GRID1: variants seen among roughly 807,000 people sequenced by gnomAD.
The protein encoded by GRID1 is glutamate receptor ionotropic, delta-1.
A neutral mutation model predicts 98.0 loss-of-function variants in GRID1; 28 were observed. That is an observed-to-expected ratio of 0.29 (90% CI 0.21 to 0.39). The LOEUF (loss-of-function observed/expected upper bound fraction) is 0.39, where lower values mean the gene tolerates loss of function less well. Ranked by LOEUF, GRID1 falls within the 10% of genes least tolerant of loss-of-function variation. GRID1 has a pLI of 1.00. For missense variants in GRID1, 1,111 were observed against 1,340.5 expected (o/e 0.83, Z 2.67); for synonymous variants, 553 against 538.5 (o/e 1.03, Z -0.37).
chr10:86,349,826 C>G (rs1177820996), intron 2 of GRID1, among the ~76,000 whole-genome samples: 1 of 152,226 alleles, frequency 6.6e-6, no homozygotes, highest in Non-Finnish European at 1.5e-5. Flanking sequence ...TCCAACCAGC[C>G]ACATACCAGG....
At chr10:86,027,033 G>A (rs1350988971) in intron 4 of GRID1, among the ~76,000 whole-genome samples, 1 of 152,248 alleles carries the variant, frequency 6.6e-6, no homozygotes, top group Non-Finnish European at 1.5e-5. Context: ...GCTCCACTCA[G>A]AAGGAGCAGC....
At chr10:86,226,684 T>C (rs1164548076) in intron 2 of GRID1, among the ~76,000 whole-genome samples, 4 of 137,502 alleles carry the variant, frequency 2.9e-5, no homozygotes, top group African/African-American at 1.1e-4. Context: ...GAGTGGGGTG[T>C]TGGCAGCAAC....
chr10:85,914,694 A>AC (rs1336472436), intron 5 of GRID1, among the ~76,000 whole-genome samples: 1 of 152,188 alleles, frequency 6.6e-6, no homozygotes, highest in African/African-American at 2.4e-5. Context: ...AAAATAAGCC[A>AC]CCCAAGACTA....
At chr10:85,743,866 T>C (rs1841973348) in intron 8 of GRID1, among the ~76,000 whole-genome samples, 1 of 152,208 alleles carries the variant, frequency 6.6e-6, no homozygotes, top group Admixed American at 6.5e-5. Context: ...TGGTTTCTCT[T>C]AATTGCATGT....
In GRID1 at chr10:85,600,157, A is replaced by G. The variant is rs189524117; in HGVS notation, c.*2116T>C. 181 of 152,492 alleles carry G rather than the reference A, an allele frequency of 1.2e-3. No individual in the cohort carries two copies. Among genetic ancestry groups the G allele is most frequent in the African/African-American group, 4.1e-3 (172 of 41,478 alleles). The allele number at this position is 152,492 out of a possible 1,614,324, so 9.4% of individuals were successfully genotyped here. ...GAGATATATATGTGAAAAATTGACC[A>G]TTCAGGGCAGGGCCCCCAACGTGCT... On this transcript the variant is annotated 3_prime_UTR_variant, in exon 16 of 16. Coordinates refer to ENST00000327946, the MANE Select transcript of GRID1 (RefSeq NM_017551.3).
At chr10:86,136,544 T>C (rs1844927398) in intron 4 of GRID1, among the ~76,000 whole-genome samples, 2 of 152,232 alleles carry the variant, frequency 1.3e-5, no homozygotes, top group African/African-American at 4.8e-5. Flanking sequence ...TTAACATCTT[T>C]AGCTTTTCCA....
intron 12 of GRID1, among the ~76,000 whole-genome samples, chr10:85,692,723 C>A (rs987572017): frequency 2.7e-5 from 4 of 149,378 alleles, no homozygotes; most frequent in Non-Finnish European, 5.9e-5. Flanking sequence ...AATAAATAGT[C>A]AAATTTCCAA....
intron 4 of GRID1, among the ~76,000 whole-genome samples, chr10:85,972,623 C>T (rs996619110): frequency 4.6e-5 from 7 of 151,860 alleles, no homozygotes; most frequent in Admixed American, 3.9e-4. Context: ...TAGTCTATTG[C>T]GTGGCTATTC....
At chr10:86,071,638 T>A (rs561009185) in intron 4 of GRID1, among the ~76,000 whole-genome samples, 5 of 152,304 alleles carry the variant, frequency 3.3e-5, no homozygotes, top group African/African-American at 1.2e-4. Context: ...TTTTTACAGA[T>A]GATAACAAAT....
At chr10:86,025,093 T>C (rs1290302154) in intron 4 of GRID1, among the ~76,000 whole-genome samples, 1 of 152,188 alleles carries the variant, frequency 6.6e-6, no homozygotes, top group Non-Finnish European at 1.5e-5. Flanking sequence ...CATGTCCCCA[T>C]GTGGCCAGAA....
intron 5 of GRID1, among the ~76,000 whole-genome samples, chr10:85,878,867 A>C (rs1840953721): frequency 1.3e-5 from 2 of 152,296 alleles, no homozygotes; most frequent in South Asian, 4.2e-4. Context: ...TGCTGTATTC[A>C]GGAAACCCAT....
intron 4 of GRID1, among the ~76,000 whole-genome samples, chr10:86,058,850 T>G (rs1385546355): frequency 6.6e-6 from 1 of 152,154 alleles, no homozygotes; most frequent in Non-Finnish European, 1.5e-5. Flanking sequence ...CTTGAGGAGC[T>G]TATAATTTAG....
intron 12 of GRID1, among the ~76,000 whole-genome samples, chr10:85,710,870 T>G (rs1324390011): frequency 6.6e-6 from 1 of 151,902 alleles, no homozygotes; most frequent in Non-Finnish European, 1.5e-5. Context: ...TGCACAAAAT[T>G]TTAAATTGTG....
chr10:86,039,865 G>A (rs1385912362), intron 4 of GRID1, among the ~76,000 whole-genome samples: 1 of 152,220 alleles, frequency 6.6e-6, no homozygotes, highest in African/African-American at 2.4e-5. Flanking sequence ...AGAACTCACA[G>A]AAGAGTCAGG....
intron 4 of GRID1, among the ~76,000 whole-genome samples, chr10:86,021,303 A>G (rs1239160223): frequency 6.6e-6 from 1 of 152,122 alleles, no homozygotes; most frequent in African/African-American, 2.4e-5. Context: ...CCTCCAGCTG[A>G]GCCTTTTATT....
At chr10:85,922,348 G>T (rs989884688) in intron 4 of GRID1, among the ~76,000 whole-genome samples, 3 of 152,140 alleles carry the variant, frequency 2.0e-5, no homozygotes, top group Non-Finnish European at 2.9e-5. Context: ...ATAGTAAATG[G>T]AGTGGAAAAA....
chr10:86,160,974 T>A (rs1159861860), intron 3 of GRID1, among the ~76,000 whole-genome samples: 1 of 152,214 alleles, frequency 6.6e-6, no homozygotes, highest in African/African-American at 2.4e-5. Flanking sequence ...TCTCTCAGCA[T>A]CTGTTTGGGT....
intron 12 of GRID1, among the ~76,000 whole-genome samples, chr10:85,684,269 A>G (rs1245613085): frequency 1.3e-5 from 2 of 152,212 alleles, no homozygotes; most frequent in African/African-American, 2.4e-5. Flanking sequence ...GTATACCACT[A>G]TCATAACTTT....
chr10:85,970,181 C>G (rs955538343), intron 4 of GRID1, among the ~76,000 whole-genome samples: 1 of 152,020 alleles, frequency 6.6e-6, no homozygotes, highest in African/African-American at 2.4e-5. Context: ...AATTTTAAAA[C>G]TTCCCACAAA....
Sources: gnomAD v4.1 joint callset for allele counts (sites outside exome capture counted in the v4.1 genomes callset) on GRCh38, gnomAD v4.1.1 for gene constraint, MANE v1.5 for transcripts, NCBI Gene and HGNC (gene_info 2026-07-23, HGNC 2026-07-21) for gene names.